Variants in LRCH4 observed in about 807,000 individuals in gnomAD.
LRCH4 encodes the protein leucine rich repeats and calponin homology domain containing 4.
A neutral mutation model predicts 81.2 loss-of-function variants in LRCH4; 56 were observed. The observed-to-expected ratio is 0.69, with a 90% CI of 0.56 to 0.86. LRCH4 has a LOEUF of 0.86. LRCH4 is among the 40% of genes least tolerant of loss of function. LRCH4 has a pLI of 0.00. For synonymous variants in LRCH4, 442 were observed against 409.7 expected (o/e 1.08, Z -0.95); for missense variants, 895 against 922.8 (o/e 0.97, Z 0.39).
chr7:100,582,458 G>T lies in LRCH4; in HGVS notation c.222C>A (p.Asp74Glu). The T allele has an allele frequency of 6.2e-7, 1 of 1,607,162 alleles. No homozygotes were observed. ...SYDLSDITQA[D>E]LSRNRFPEVP... ...CCTCGGGAAACCGGTTCCGGGACAG[G>T]TCTGGGGAAAAGGAGGTGTCGGGGA... Residue 74 changes from aspartate (D) to glutamate (E), a missense_variant and splice_region_variant, in exon 2 of 18, where the codon GAC becomes GAA. By Grantham distance (45) the Asp-to-Glu change is conservative. Around this residue, in one of 3 missense-constraint regions of LRCH4, gnomAD observed 360 missense variants for 397.0 expected, o/e 0.91. Coordinates refer to ENST00000310300, the MANE Select transcript of LRCH4 (RefSeq NM_002319.5). The surrounding 1 kb of genome is among the most constrained non-coding windows in gnomAD (Gnocchi z 5.0).
At position 100,578,148 on chromosome 7, in the gene LRCH4, G is replaced by A. The variant is rs368570730; in HGVS notation, c.948+11C>T. 2 of 1,613,480 alleles carry A rather than the reference G, an allele frequency of 1.2e-6. No individual in the cohort carries two copies. The highest frequency in any genetic ancestry group is 1.7e-6 in the Non-Finnish European group (2 of 1,179,506). ...GACACCCTCAATCACCCATGGACAG[G>A]ACGCCCTTACCTCATTTCCAGACCA... On this transcript the variant is annotated intron_variant, in intron 7 of 17. Transcript: ENST00000310300. This position sits in a 1 kb window ranked among gnomAD's most constrained non-coding sequence, Gnocchi z 5.7.
rs200805374 is a variant in LRCH4, at chr7:100,577,712, G to T, written c.1068C>A (p.Phe356Leu). Residue 356 changes from phenylalanine to leucine, a missense_variant, in exon 9 of 18, where the codon TTC becomes TTA. This residue lies in a region of LRCH4 where 529 missense variants were observed against 504.9 expected (regional missense o/e 1.05). Coordinates refer to ENST00000310300, the MANE Select transcript of LRCH4 (RefSeq NM_002319.5). This position sits in a 1 kb window ranked among gnomAD's most constrained non-coding sequence, Gnocchi z 6.7. ...SADGDPVQIDFIDSHVPGEDE... is the reference protein window; with the variant it reads ...SADGDPVQIDLIDSHVPGEDE... ...CCTCCCCGGGGACATGGCTGTCGAT[G>T]AAGTCAATCTGCACAGGGTCTCCGT... 2.9e-4 allele frequency: 461 copies of T among 1,613,974 alleles called. No individual in the cohort carries two copies. Among genetic ancestry groups the T allele is most frequent in the Non-Finnish European group, 3.7e-4 (435 of 1,180,026 alleles).
Position 100,582,026 on chromosome 7 carries a change from C to T in LRCH4, c.492+15G>A, listed in dbSNP as rs774100593. ...GGCTCAGGGGTCCCTTTCCTGGTCCCGTCCCCATCCTCACAAGCTGTCGCA... is the reference window on the plus strand; with the variant it reads ...GGCTCAGGGGTCCCTTTCCTGGTCCTGTCCCCATCCTCACAAGCTGTCGCA... On this transcript the variant is annotated intron_variant, in intron 3 of 17. Transcript: ENST00000310300. The surrounding 1 kb of genome is among the most constrained non-coding windows in gnomAD (Gnocchi z 5.0). The T allele has an allele frequency of 3.7e-6, 6 of 1,604,774 alleles. No individual in the cohort carries two copies. The highest frequency in any genetic ancestry group is 2.2e-5 in the East Asian group (1 of 44,780).
chr7:100,582,366 C>T lies in LRCH4; in HGVS notation c.314G>A (p.Cys105Tyr), dbSNP rs761724792. 5 of 1,614,024 alleles carry T rather than the reference C, an allele frequency of 3.1e-6. No individual in the cohort carries two copies. Among genetic ancestry groups the T allele is most frequent in the Non-Finnish European group, 3.4e-6 (4 of 1,180,032 alleles). Residue 105 changes from cysteine to tyrosine, a missense_variant, in exon 2 of 18, where the codon TGC becomes TAC. Around this residue, in one of 3 missense-constraint regions of LRCH4, gnomAD observed 360 missense variants for 397.0 expected, o/e 0.91. Transcript: ENST00000310300. This position sits in a 1 kb window ranked among gnomAD's most constrained non-coding sequence, Gnocchi z 5.0. The part of the protein sequence containing the change: ...GLSLYHNCLR[C>Y]LNPALGNLTA... ...GAGATTCCCCAAGGCTGGGTTCAGG[C>T]ATCTCAGGCAATTGTGGTAGAGGCT...
rs1801585779 is a variant in LRCH4 at position 100,582,343 on chromosome 7, G to T, written c.337C>A (p.Leu113Ile). 2 of 1,614,190 alleles carry T rather than the reference G, an allele frequency of 1.2e-6. No individual in the cohort carries two copies. The highest frequency in any genetic ancestry group is 8.5e-7 in the Non-Finnish European group (1 of 1,180,038). The change falls in exon 2 of 18, where the codon CTC becomes ATC. Residue 113 changes from leucine (L) to isoleucine (I), a missense_variant. Around this residue, in one of 3 missense-constraint regions of LRCH4, gnomAD observed 360 missense variants for 397.0 expected, o/e 0.91. Transcript: ENST00000310300. The surrounding 1 kb of genome is among the most constrained non-coding windows in gnomAD (Gnocchi z 5.0). Reference protein sequence around the residue: ...LRCLNPALGNLTALTYLNLSR... With the variant: ...LRCLNPALGNITALTYLNLSR... ...AGGTTGAGGTAGGTGAGGGCTGTGA[G>T]ATTCCCCAAGGCTGGGTTCAGGCAT...
Position 100,578,233 on chromosome 7 carries a change from G to A in LRCH4, c.874C>T (p.His292Tyr), listed in dbSNP as rs573328250. 2 of 1,614,240 alleles carry A rather than the reference G, an allele frequency of 1.2e-6. No individual in the cohort carries two copies. Among genetic ancestry groups the A allele is most frequent in the South Asian group, 1.1e-5 (1 of 91,086 alleles). ...GAGTCCAGCCCACCATCGTACCGATGTCCCGGAAATAGATCCTCTGCAGGG... is the reference window on the plus strand; with the variant it reads ...GAGTCCAGCCCACCATCGTACCGATATCCCGGAAATAGATCCTCTGCAGGG... ...PCPAEDLFPG[H>Y]RYDGGLDSGF... is the part of the protein sequence containing the mutation. Residue 292 changes from histidine (H) to tyrosine (Y), a missense_variant, in exon 7 of 18, where the codon CAT (histidine) becomes TAT (tyrosine). Around this residue, in one of 3 missense-constraint regions of LRCH4, gnomAD observed 360 missense variants for 397.0 expected, o/e 0.91. Coordinates refer to ENST00000310300, the MANE Select transcript of LRCH4 (RefSeq NM_002319.5). The surrounding 1 kb of genome is among the most constrained non-coding windows in gnomAD (Gnocchi z 5.7).
intron 4 of LRCH4, chr7:100,580,404 T>TCTCACACACA (rs1801492412): frequency 7.3e-6 from 1 of 137,796 alleles, no homozygotes; most frequent in Non-Finnish European, 1.6e-5. Flanking sequence ...CATACACACA[T>TCTCACACACA]CACACACACA....
intron 14 of LRCH4, 180 bp downstream of exon 14, chr7:100,576,514 T>C: frequency 1.5e-6 from 1 of 676,642 alleles, no homozygotes; most frequent in Non-Finnish European, 2.5e-6. Context: ...TCCTCCCACC[T>C]GGGCCTCCTA....
In LRCH4 at chr7:100,583,382, A is replaced by T. The variant is rs1801621303; in HGVS notation, c.221-923T>A. On this transcript the variant is annotated intron_variant, in intron 1 of 17. Transcript: ENST00000310300. The surrounding 1 kb of genome is among the most constrained non-coding windows in gnomAD (Gnocchi z 4.3). Reference sequence around the variant, plus strand: ...AGCCTTGGGATTCCCTGTAGCACGGACCCACTAACGGCTTAGACCTGGAGA... The same window carrying T: ...AGCCTTGGGATTCCCTGTAGCACGGTCCCACTAACGGCTTAGACCTGGAGA... Among the ~76,000 whole-genome samples the T allele has an allele frequency of 1.3e-5, 2 of 152,018 alleles. No homozygotes were observed. Among genetic ancestry groups the T allele is most frequent in the Admixed American group, 1.3e-4 (2 of 15,280 alleles).
chr7:100,582,483 A>C lies in LRCH4; in HGVS notation c.221-24T>G. ...GTCTGGGGAAAAGGAGGTGTCGGGG[A>C]GAGTTGCGGAAAGGCCCAGCCCGGA... is the stretch of plus-strand genomic sequence containing the variant. On this transcript the variant is annotated intron_variant, in intron 1 of 17. Coordinates refer to ENST00000310300, the MANE Select transcript of LRCH4 (RefSeq NM_002319.5). The surrounding 1 kb of genome is among the most constrained non-coding windows in gnomAD (Gnocchi z 5.0). 13 of 1,599,254 alleles carry C rather than the reference A, an allele frequency of 8.1e-6. No homozygotes were observed. Among genetic ancestry groups the C allele is most frequent in the Non-Finnish European group, 1.1e-5 (13 of 1,178,836 alleles).
At chr7:100,576,653 G>T in intron 14 of LRCH4, 41 bp downstream of exon 14, 1 of 1,522,402 alleles carries the variant, frequency 6.6e-7, no homozygotes, top group East Asian at 2.4e-5. Flanking sequence ...CGTTGGTGCT[G>T]GCAAGCACTG....
chr7:100,584,194 G>T (rs1186710965), intron 1 of LRCH4: 5 of 456,434 alleles, frequency 1.1e-5, no homozygotes, highest in Admixed American at 2.4e-5. Flanking sequence ...GAGAGATGGA[G>T]GGCAGGGTAT....
rs764615072 is a variant in LRCH4 at position 100,577,327 on chromosome 7, C to T, written c.1241G>A (p.Arg414Gln). 97 of 1,598,654 alleles carry T rather than the reference C, an allele frequency of 6.1e-5. No individual in the cohort carries two copies. The highest frequency in any genetic ancestry group is 1.7e-4 in the Middle Eastern group (1 of 6,002). Residue 414 changes from arginine (R) to glutamine (Q), a missense_variant, in exon 11 of 18, where the codon CGG becomes CAG. By Grantham distance (43) the Arg-to-Gln change is conservative. This residue lies in a region of LRCH4 where 529 missense variants were observed against 504.9 expected (regional missense o/e 1.05). Coordinates refer to ENST00000310300, the MANE Select transcript of LRCH4 (RefSeq NM_002319.5). This position sits in a 1 kb window ranked among gnomAD's most constrained non-coding sequence, Gnocchi z 6.7. ...RPDTLQLWQE[R>Q]ERRQQQQSGA... ...GCTCTGCTGCTGCTGCCGCCGTTCCCGCTCCTGCCACAGCTGCAAGGTGTC... is the reference window on the plus strand; with the variant it reads ...GCTCTGCTGCTGCTGCCGCCGTTCCTGCTCCTGCCACAGCTGCAAGGTGTC...
Position 100,578,643 on chromosome 7 carries a change from G to A in LRCH4, c.735+7C>T, listed in dbSNP as rs371175219. 28 of 1,612,584 alleles carry A rather than the reference G, an allele frequency of 1.7e-5. No homozygotes were observed. In the African/African-American group the frequency reaches 2.0e-4, roughly 12 times the overall value. On this transcript the variant is annotated splice_region_variant and intron_variant, in intron 5 of 17. Transcript: ENST00000310300. The surrounding 1 kb of genome is among the most constrained non-coding windows in gnomAD (Gnocchi z 5.7). ...TGTCCTCGTGGCCCCCCAGGCACCC[G>A]CCTCACCTGGGCAGGTGGACTCTGC...
Position 100,575,443 on chromosome 7 carries a change from CA to C in LRCH4, c.1855-140del. The C allele has an allele frequency of 1.1e-6, 1 of 899,442 alleles. No individual in the cohort carries two copies. The highest frequency in any genetic ancestry group is 1.8e-6 in the Non-Finnish European group (1 of 567,928). 55.7% of individuals were successfully genotyped at this position (899,442 alleles called of 1,614,324 possible). A position where few individuals can be genotyped will look rare whatever the true frequency, so the allele number is the denominator to read the frequency against. Reference sequence around the variant, plus strand: ...GCTGACGTGCTGGGCAGGGGGAGTGCAGTGCAGGAGGAGTGCAGGGCAGGGC... The same window carrying C: ...GCTGACGTGCTGGGCAGGGGGAGTGCGTGCAGGAGGAGTGCAGGGCAGGGC... On this transcript the variant is annotated intron_variant, in intron 17 of 17. Coordinates refer to ENST00000310300, the MANE Select transcript of LRCH4 (RefSeq NM_002319.5). This position sits in a 1 kb window ranked among gnomAD's most constrained non-coding sequence, Gnocchi z 5.3.
At chr7:100,576,618 T>C in intron 14 of LRCH4, 76 bp downstream of exon 14, 1 of 1,298,320 alleles carries the variant, frequency 7.7e-7, no homozygotes, top group African/African-American at 1.5e-5. Flanking sequence ...CCCAGAGGGC[T>C]CCCAGGGCAG....
chr7:100,583,699 C>G lies in LRCH4; in HGVS notation c.221-1240G>C, dbSNP rs557143792. Among the ~76,000 whole-genome samples the G allele has an allele frequency of 7.2e-5, 11 of 152,320 alleles. No homozygotes were observed. Among genetic ancestry groups the G allele is most frequent in the African/African-American group, 2.4e-4 (10 of 41,574 alleles). On this transcript the variant is annotated intron_variant, in intron 1 of 17. Coordinates refer to ENST00000310300, the MANE Select transcript of LRCH4 (RefSeq NM_002319.5). The surrounding 1 kb of genome is among the most constrained non-coding windows in gnomAD (Gnocchi z 4.3). Reference sequence around the variant, plus strand: ...GGGACCCCTTTCTCTTCCTCTCTGCCCAGCCCTGGTGCACAGACAGAAGCC... The same window carrying G: ...GGGACCCCTTTCTCTTCCTCTCTGCGCAGCCCTGGTGCACAGACAGAAGCC...
chr7:100,578,531 C>A lies in LRCH4; in HGVS notation c.736-20G>T. Reference sequence around the variant, plus strand: ...GCAGACCTGTGTGCGGGGCAGCACACGCCAGGGAGTTGGCAGGGAGGGCAG... The same window carrying A: ...GCAGACCTGTGTGCGGGGCAGCACAAGCCAGGGAGTTGGCAGGGAGGGCAG... On this transcript the variant is annotated intron_variant, in intron 5 of 17. Coordinates refer to ENST00000310300, the MANE Select transcript of LRCH4 (RefSeq NM_002319.5). This position sits in a 1 kb window ranked among gnomAD's most constrained non-coding sequence, Gnocchi z 5.7. The A allele has an allele frequency of 6.2e-7, 1 of 1,607,720 alleles. No homozygotes were observed. The highest frequency in any genetic ancestry group is 8.5e-7 in the Non-Finnish European group (1 of 1,175,908).
At position 100,586,103 on chromosome 7, in the gene LRCH4, G is replaced by A. The variant is rs976945485; in HGVS notation, c.-3C>T. ...GGAGCCGCTACGGCCGCCGCCATCC[G>A]CTCCCGGCGGCTCCCGCTGCCTGAC... On this transcript the variant is annotated 5_prime_UTR_variant, in exon 1 of 18. Transcript: ENST00000310300. The A allele has an allele frequency of 1.3e-6, 2 of 1,511,550 alleles. No individual in the cohort carries two copies. Among genetic ancestry groups the A allele is most frequent in the African/African-American group, 1.4e-5 (1 of 71,450 alleles). The allele number at this position is 1,511,550 out of a possible 1,614,324, so 93.6% of individuals were successfully genotyped here.
Sources: gnomAD v4.1 joint callset for allele counts (sites outside exome capture counted in the v4.1 genomes callset) on GRCh38, gnomAD v4.1.1 for gene constraint, gnomAD v4.1.1 regional missense constraint, Gnocchi (gnomAD v3.1) non-coding constraint, MANE v1.5 for transcripts, NCBI Gene and HGNC (gene_info 2026-07-23, HGNC 2026-07-21) for gene names.